Variants in DOCK11 observed in about 807,000 individuals in gnomAD.
The protein encoded by DOCK11 is dedicator of cytokinesis protein 11.
In DOCK11, 70 loss-of-function variants were observed where a neutral mutation model predicts 169.1. The observed-to-expected ratio is 0.41, with a 90% CI of 0.34 to 0.51. DOCK11 has a LOEUF of 0.51. Ranked by LOEUF, DOCK11 falls within the 20% of genes least tolerant of loss-of-function variation. The pLI is 0.10. For synonymous variants in DOCK11, 529 were observed against 541.3 expected (o/e 0.98, Z 0.32); for missense variants, 1,166 against 1,538.8 (o/e 0.76, Z 4.05).
At chrX:118,637,937 T>C (rs190883493) in intron 36 of DOCK11, 143 bp from the exon 37 acceptor site, 49 of 452,249 alleles carry the variant, frequency 1.1e-4, no homozygotes, top group African/African-American at 1.0e-3. Context: ...TAATTATCTA[T>C]GTATTTCTGT....
chrX:118,607,667 C>T (rs978077719), intron 24 of DOCK11, among the ~76,000 whole-genome samples: 1 of 111,137 alleles, frequency 9.0e-6, no homozygotes, highest in African/African-American at 3.3e-5. Context: ...GCCTTGGCCT[C>T]CCAAAGTGCT....
At chrX:118,649,922 A>G (rs2015908246) in intron 41 of DOCK11, among the ~76,000 whole-genome samples, 1 of 111,802 alleles carries the variant, frequency 8.9e-6, no homozygotes, top group Admixed American at 9.6e-5. Flanking sequence ...AAATATTGTT[A>G]CCTAGCTCAT....
At chrX:118,670,526 T>G (rs991193689) in intron 45 of DOCK11, among the ~76,000 whole-genome samples, 1 of 110,432 alleles carries the variant, frequency 9.1e-6, no homozygotes, top group Admixed American at 9.7e-5. Flanking sequence ...CCCACAAAAA[T>G]AAAAACTAAA....
chrX:118,528,433 C>G (rs1233524526), intron 1 of DOCK11, among the ~76,000 whole-genome samples: 1 of 111,762 alleles, frequency 8.9e-6, no homozygotes, highest in East Asian at 2.8e-4. Flanking sequence ...CCCAGTTGAA[C>G]TGAAAATGAA....
intron 44 of DOCK11, among the ~76,000 whole-genome samples, chrX:118,661,194 G>A: frequency 9.7e-6 from 1 of 103,124 alleles, no homozygotes; most frequent in South Asian, 4.6e-4. Context: ...AGGTGACGGG[G>A]TAACACTCTG....
chrX:118,532,193 A>G (rs1357889585), intron 1 of DOCK11, among the ~76,000 whole-genome samples: 1 of 111,139 alleles, frequency 9.0e-6, no homozygotes, highest in Non-Finnish European at 1.9e-5. Context: ...AAGGATAGAG[A>G]GAGGCTAAGC....
intron 12 of DOCK11, among the ~76,000 whole-genome samples, chrX:118,575,432 T>C (rs1263210006): frequency 8.9e-6 from 1 of 112,647 alleles, no homozygotes; most frequent in African/African-American, 3.2e-5. Context: ...ATTGAACCTC[T>C]TGTGCACACA....
intron 7 of DOCK11, among the ~76,000 whole-genome samples, chrX:118,565,328 T>C (rs2013046794): frequency 8.9e-6 from 1 of 112,015 alleles, no homozygotes; most frequent in African/African-American, 3.2e-5. Flanking sequence ...AATGTGCAAA[T>C]GATCGAATCA....
At chrX:118,609,136 A>G (rs1012118975) in intron 26 of DOCK11, 142 bp from the exon 27 acceptor site, 1 of 443,332 alleles carries the variant, frequency 2.3e-6, no homozygotes, top group African/African-American at 2.5e-5. Context: ...CCATTTGCAG[A>G]TATTCTGTGA....
chrX:118,676,810 CT>C, intron 48 of DOCK11, 73 bp downstream of exon 48: 3 of 938,276 alleles, frequency 3.2e-6, no homozygotes, highest in Non-Finnish European at 2.9e-6. Flanking sequence ...TGACTTTTTC[CT>C]TTTTTAACTG....
chrX:118,499,572 A>T (rs947574574), intron 1 of DOCK11, among the ~76,000 whole-genome samples: 1 of 111,860 alleles, frequency 8.9e-6, no homozygotes, highest in Non-Finnish European at 1.9e-5. Context: ...TTATGTTTGC[A>T]TTTAGAGAAG....
chrX:118,657,841 G>T (rs12393518), intron 44 of DOCK11, among the ~76,000 whole-genome samples: 13 of 109,581 alleles, frequency 1.2e-4, no homozygotes, highest in Non-Finnish European at 2.5e-4. Context: ...GGGGGTGGGG[G>T]CCAGGGAGGA....
intron 44 of DOCK11, among the ~76,000 whole-genome samples, chrX:118,655,913 C>T (rs1214606103): frequency 8.9e-6 from 1 of 112,288 alleles, no homozygotes; most frequent in African/African-American, 3.2e-5. Context: ...AGAATTCCTA[C>T]AGTTAACTGT....
rs760664886 is a variant in DOCK11, at chrX:118,643,227, GA to G, written c.4261-222del. On this transcript the variant is annotated intron_variant, in intron 39 of 52. Coordinates refer to ENST00000276202, the MANE Select transcript of DOCK11 (RefSeq NM_144658.4). Reference sequence around the variant, plus strand: ...GTCCTGTATATTGCTGTGTTGCATTGAAAAAAAATCTACCTGTTTAAAATGT... The same window carrying G: ...GTCCTGTATATTGCTGTGTTGCATTGAAAAAAATCTACCTGTTTAAAATGT... Among the ~76,000 whole-genome samples, 473 of 110,965 alleles carry G rather than the reference GA, an allele frequency of 4.3e-3. 3 individuals are homozygous for G. Among genetic ancestry groups the G allele is most frequent in the African/African-American group, 0.015 (457 of 30,578 alleles).
chrX:118,533,278 C>T (rs1272474576), intron 1 of DOCK11, among the ~76,000 whole-genome samples: 7 of 112,079 alleles, frequency 6.2e-5, no homozygotes, highest in Non-Finnish European at 1.3e-4. Context: ...AGGCGTGAGA[C>T]ACCACGCCTG....
intron 6 of DOCK11, among the ~76,000 whole-genome samples, chrX:118,554,368 A>G (rs2012604754): frequency 9.0e-6 from 1 of 110,720 alleles, no homozygotes; most frequent in South Asian, 3.8e-4. Context: ...TGGCCAACAT[A>G]GTGAAACCCT....
intron 38 of DOCK11, among the ~76,000 whole-genome samples, chrX:118,640,291 A>T (rs372263933): frequency 8.9e-6 from 1 of 112,379 alleles, no homozygotes; most frequent in Non-Finnish European, 1.9e-5. Flanking sequence ...AGTCCTCTGA[A>T]GGTTTCAGAA....
At chrX:118,556,957 C>T (rs888888034) in intron 6 of DOCK11, among the ~76,000 whole-genome samples, 9 of 110,501 alleles carry the variant, frequency 8.1e-5, no homozygotes, top group Non-Finnish European at 1.5e-4. Flanking sequence ...CACCATCAAA[C>T]AAAAATAATA....
Position 118,685,918 on chromosome X carries a change from C to A in DOCK11, c.*111C>A. ...ATACATGGAGTGTTTCTTCTCGACA[C>A]CAAAATTTTCATGTGTTCCAACAGG... On this transcript the variant is annotated 3_prime_UTR_variant, in exon 53 of 53. Coordinates refer to ENST00000276202, the MANE Select transcript of DOCK11 (RefSeq NM_144658.4). 3.0e-6 allele frequency: 3 copies of A among 998,620 alleles called. No individual in the cohort carries two copies. Among genetic ancestry groups the A allele is most frequent in the Non-Finnish European group, 4.0e-6 (3 of 750,025 alleles). 82.3% of individuals were successfully genotyped at this position (998,620 alleles called of 1,213,427 possible).
Sources: allele counts gnomAD v4.1 joint callset (sites outside exome capture counted in the v4.1 genomes callset), GRCh38; gene constraint gnomAD v4.1.1; transcripts MANE v1.5; gene names NCBI Gene and HGNC (gene_info 2026-07-23, HGNC 2026-07-21).